The following FAM234B variants were observed in gnomAD, a reference collection of about 807,000 sequenced individuals.
FAM234B encodes the protein protein FAM234B.
In FAM234B, 33 loss-of-function variants were observed where a neutral mutation model predicts 69.3. The ratio of observed to expected loss-of-function variants is 0.48; its 90% confidence interval spans 0.36 to 0.64. FAM234B has a LOEUF of 0.64. Among genes scored for constraint, FAM234B ranks in the 30% least tolerant of loss-of-function variants. FAM234B has a pLI of 0.00. For missense variants in FAM234B, 697 were observed against 769.7 expected, an observed-to-expected ratio of 0.91 and a Z score of 1.12; for synonymous variants, 306 against 306.9, an observed-to-expected ratio of 1.00 and a Z score of 0.03.
Position 13,066,649 on chromosome 12 carries a change from T to G in FAM234B, c.862T>G (p.Cys288Gly). The G allele has an allele frequency of 3.7e-6, 6 of 1,612,936 alleles. No homozygotes were observed. The highest frequency in any genetic ancestry group is 5.1e-6 in the Non-Finnish European group (6 of 1,179,402). Reference protein sequence around the residue: ...LAIGELQPDLCFLLVSGRTGN... With the variant: ...LAIGELQPDLGFLLVSGRTGN... ...TCTCTTACTTCCTCAGCCAGATCTG[T>G]GCTTTCTGCTGGTGTCTGGCCGGAC... The change falls in exon 6 of 13, where the codon TGC becomes GGC. Residue 288 changes from cysteine to glycine, a missense_variant. Cys to Gly is a radical substitution (Grantham distance 159). This residue lies in a region of FAM234B where 380 missense variants were observed against 447.1 expected (regional missense o/e 0.85). Coordinates refer to ENST00000197268, the MANE Select transcript of FAM234B (RefSeq NM_020853.2).
rs1591596728 is a variant in FAM234B, at chr12:13,055,622, C to A, written c.109C>A (p.Leu37Met). The change falls in exon 2 of 13, where the codon CTG (leucine) becomes ATG (methionine). Residue 37 changes from leucine (L) to methionine (M), a missense_variant. This residue lies in a region of FAM234B where 380 missense variants were observed against 447.1 expected (regional missense o/e 0.85). Coordinates refer to ENST00000197268, the MANE Select transcript of FAM234B (RefSeq NM_020853.2). ...TGACAGTGATGAGAGCGAAGACGAT[C>A]TGGTGCTTAACCTGCAGAAGAATGG... ...QADSDESEDD[L>M]VLNLQKNGGV... 2 of 1,614,196 alleles carry A rather than the reference C, an allele frequency of 1.2e-6. No individual in the cohort carries two copies. The highest frequency in any genetic ancestry group is 2.2e-5 in the East Asian group (1 of 44,884).
At chr12:13,058,901 G>A (rs1864958603) in intron 3 of FAM234B, among the ~76,000 whole-genome samples, 1 of 152,188 alleles carries the variant, frequency 6.6e-6, no homozygotes, top group Non-Finnish European at 1.5e-5. Flanking sequence ...AGATTATAGT[G>A]AACATTGACT....
intron 1 of FAM234B, among the ~76,000 whole-genome samples, chr12:13,052,877 C>G (rs7311629): frequency 0.24 from 36,055 of 152,044 alleles, 5,195 homozygotes; most frequent in East Asian, 0.53. Context: ...CAAACAATCA[C>G]TTTAAAAAGC....
intron 1 of FAM234B, among the ~76,000 whole-genome samples, chr12:13,052,467 A>C (rs1184636782): frequency 6.6e-6 from 1 of 152,182 alleles, no homozygotes; most frequent in African/African-American, 2.4e-5. Flanking sequence ...CAAAAAATAC[A>C]TACACCATAA....
Position 13,071,406 on chromosome 12 carries a change from C to T in FAM234B, c.1524+10C>T, listed in dbSNP as rs1244899719. On this transcript the variant is annotated intron_variant, in intron 10 of 12. Transcript: ENST00000197268. ...TGCATCTCCCAATTCCGTGAGTGAG[C>T]CTGGGAGGGTCCCTTTTTTACTTTG... 2 of 1,613,012 alleles carry T rather than the reference C, an allele frequency of 1.2e-6. No homozygotes were observed. The highest frequency in any genetic ancestry group is 1.7e-6 in the Non-Finnish European group (2 of 1,179,306).
intron 10 of FAM234B, among the ~76,000 whole-genome samples, chr12:13,072,866 AG>A (rs1409010215): frequency 1.3e-5 from 2 of 152,188 alleles, no homozygotes; most frequent in African/African-American, 4.8e-5. Flanking sequence ...ATGTCAATGC[AG>A]TCTTTTTTTA....
chr12:13,049,218 C>T lies in FAM234B; in HGVS notation c.37+4778C>T, dbSNP rs144593075. On this transcript the variant is annotated intron_variant, in intron 1 of 12. Transcript: ENST00000197268. ...TTTTTGAGACAAAGTCTTGTTCTGT[C>T]GCCCAGGCTGGAGTGCAGTGGCATG... is the stretch of plus-strand genomic sequence containing the variant. Among the ~76,000 whole-genome samples, 998 of 152,284 alleles carry T rather than the reference C, an allele frequency of 6.6e-3. 10 individuals are homozygous for T. The highest frequency in any genetic ancestry group is 0.023 in the African/African-American group (943 of 41,556).
rs775907541 is a variant in FAM234B, at chr12:13,076,150, C to G, written c.1642+7C>G. 1 of 1,593,238 alleles carries G rather than the reference C, an allele frequency of 6.3e-7. No homozygotes were observed. ...ACAGTGACGGCTTCAGAGGGTGAGT[C>G]CCAGTGCCAGCGGGAGTCTGTGTAC... On this transcript the variant is annotated splice_region_variant and intron_variant, in intron 11 of 12. Coordinates refer to ENST00000197268, the MANE Select transcript of FAM234B (RefSeq NM_020853.2).
chr12:13,061,324 G>T (rs1489111129), intron 3 of FAM234B, among the ~76,000 whole-genome samples: 1 of 152,206 alleles, frequency 6.6e-6, no homozygotes, highest in Admixed American at 6.5e-5. Context: ...TGGGAAAGGT[G>T]CAGAAGTGGA....
chr12:13,079,940 C>T lies in FAM234B; in HGVS notation c.1794C>T (p.Thr598=), dbSNP rs769479902. The stretch of plus-strand genomic sequence containing the variant: ...AGATGGCTCAGCTACAGGAGTCCAC[C>T]CCCAAAATTGGCCGTGGGGAGCTGC... ...EGQMAQLQES[T]PKIGRGELRR... is the part of the protein sequence containing the mutation. Residue 598 remains threonine, a synonymous_variant, in exon 12 of 13, where the codon ACC becomes ACT. Coordinates refer to ENST00000197268, the MANE Select transcript of FAM234B (RefSeq NM_020853.2). 6 of 1,613,564 alleles carry T rather than the reference C, an allele frequency of 3.7e-6. No homozygotes were observed. The South Asian group carries it at 6.6e-5, about 18-fold the overall frequency.
At chr12:13,050,267 T>A (rs573547274) in intron 1 of FAM234B, among the ~76,000 whole-genome samples, 25 of 152,320 alleles carry the variant, frequency 1.6e-4, no homozygotes, top group Non-Finnish European at 3.2e-4. Flanking sequence ...AGTTCTCTTC[T>A]CATCTTTATG....
Position 13,067,017 on chromosome 12 carries a change from C to G in FAM234B, c.1001-138C>G, listed in dbSNP as rs916550822. The G allele has an allele frequency of 1.5e-5, 16 of 1,052,968 alleles. No homozygotes were observed. The highest frequency in any genetic ancestry group is 1.8e-5 in the Non-Finnish European group (13 of 718,276). 65.2% of individuals were successfully genotyped at this position (1,052,968 alleles called of 1,614,324 possible). A position where few individuals can be genotyped will look rare whatever the true frequency, so the allele number is the denominator to read the frequency against. On this transcript the variant is annotated intron_variant, in intron 6 of 12. Coordinates refer to ENST00000197268, the MANE Select transcript of FAM234B (RefSeq NM_020853.2). The surrounding 1 kb of genome is among the most constrained non-coding windows in gnomAD (Gnocchi z 4.7). ...TCCAGCACCCACTTAATCACCTCCC[C>G]ACTTGTTCCGTGTTGTCCAGTCTGG...
intron 4 of FAM234B, 149 bp downstream of exon 4, chr12:13,061,912 A>G (rs1864987631): frequency 1.4e-6 from 1 of 700,828 alleles, no homozygotes. Flanking sequence ...GAAATGAGAG[A>G]AAAGGTTTGG....
intron 1 of FAM234B, among the ~76,000 whole-genome samples, chr12:13,052,133 G>T (rs1267351913): frequency 1.3e-5 from 2 of 152,156 alleles, no homozygotes; most frequent in Non-Finnish European, 2.9e-5. Context: ...GGACTTACAT[G>T]TGAGAGAGGG....
At chr12:13,047,825 A>G (rs1864827884) in intron 1 of FAM234B, among the ~76,000 whole-genome samples, 1 of 152,130 alleles carries the variant, frequency 6.6e-6, no homozygotes, top group South Asian at 2.1e-4. Context: ...CCTGAGTAGG[A>G]CTTAAGGCAA....
At chr12:13,074,352 A>C (rs1468037090) in intron 10 of FAM234B, among the ~76,000 whole-genome samples, 1 of 152,232 alleles carries the variant, frequency 6.6e-6, no homozygotes, top group Non-Finnish European at 1.5e-5. Context: ...ACAAGTAAGA[A>C]GTTTACATGG....
At chr12:13,065,418 A>T (rs766156023) in intron 5 of FAM234B, among the ~76,000 whole-genome samples, 1 of 152,162 alleles carries the variant, frequency 6.6e-6, no homozygotes, top group Non-Finnish European at 1.5e-5. Flanking sequence ...ACAGCATTTT[A>T]TTTGTAGTAT....
In FAM234B at chr12:13,057,124, C is replaced by T. The variant is rs545129570; in HGVS notation, c.433+1178C>T. Among the ~76,000 whole-genome samples the T allele has an allele frequency of 4.6e-5, 7 of 152,042 alleles. No homozygotes were observed. In the South Asian group the frequency reaches 1.5e-3, roughly 32 times the overall value. On this transcript the variant is annotated intron_variant, in intron 2 of 12. Coordinates refer to ENST00000197268, the MANE Select transcript of FAM234B (RefSeq NM_020853.2). ...TCCCGTGTAGCTGGGATTGCAGGAG[C>T]TCGCCACCATGCCTGGCTAATTTTT...
chr12:13,067,923 T>G lies in FAM234B; in HGVS notation c.1143-381T>G, dbSNP rs531801917. Among the ~76,000 whole-genome samples, 6 of 152,314 alleles carry G rather than the reference T, an allele frequency of 3.9e-5. No homozygotes were observed. The East Asian group carries it at 1.2e-3, about 29-fold the overall frequency. ...TGGCACTGAGCAAGAACTAATTCAG[T>G]GAAATGTATGCCATGGGCTGCTGCC... On this transcript the variant is annotated intron_variant, in intron 7 of 12. Coordinates refer to ENST00000197268, the MANE Select transcript of FAM234B (RefSeq NM_020853.2). This position sits in a 1 kb window ranked among gnomAD's most constrained non-coding sequence, Gnocchi z 4.7.
Sources: gnomAD v4.1 joint callset for allele counts (sites outside exome capture counted in the v4.1 genomes callset) on GRCh38, gnomAD v4.1.1 for gene constraint, gnomAD v4.1.1 regional missense constraint, Gnocchi (gnomAD v3.1) non-coding constraint, MANE v1.5 for transcripts, NCBI Gene and HGNC (gene_info 2026-07-23, HGNC 2026-07-21) for gene names.